MMP24: variants seen among roughly 807,000 people sequenced by gnomAD.
The protein encoded by MMP24 is matrix metallopeptidase 24.
A neutral mutation model predicts 62.8 loss-of-function variants in MMP24; 25 were observed. The ratio of observed to expected loss-of-function variants is 0.40; its 90% confidence interval spans 0.29 to 0.56. MMP24 has a LOEUF of 0.56. MMP24 is among the 20% of genes least tolerant of loss of function. The pLI is 0.50. For missense variants in MMP24, 634 were observed against 853.6 expected, an observed-to-expected ratio of 0.74 and a Z score of 3.21; for synonymous variants, 319 against 350.5, an observed-to-expected ratio of 0.91 and a Z score of 1.00.
At chr20:35,240,536 A>G (rs2060484362) in intron 1 of MMP24, among the ~76,000 whole-genome samples, 1 of 152,130 alleles carries the variant, frequency 6.6e-6, no homozygotes, top group Admixed American at 6.6e-5. Context: ...AAGCAAGGTC[A>G]TTCTGTCTAA....
chr20:35,235,175 G>A (rs1226687123), intron 1 of MMP24, among the ~76,000 whole-genome samples: 1 of 152,180 alleles, frequency 6.6e-6, no homozygotes, highest in African/African-American at 2.4e-5. Flanking sequence ...AGGCCAAGCT[G>A]GGAGGATCAC....
intron 1 of MMP24, among the ~76,000 whole-genome samples, chr20:35,230,848 C>T (rs2060434503): frequency 6.6e-6 from 1 of 152,140 alleles, no homozygotes; most frequent in South Asian, 2.1e-4. Flanking sequence ...AAGCATTTTT[C>T]ATCATCATTG....
At position 35,254,514 on chromosome 20, in the gene MMP24, G is replaced by T; in HGVS notation, c.577G>T (p.Asp193Tyr). 6.2e-7 allele frequency: 1 copy of T among 1,614,004 alleles called. No homozygotes were observed. Among genetic ancestry groups the T allele is most frequent in the Non-Finnish European group, 8.5e-7 (1 of 1,179,894 alleles). The change falls in exon 4 of 9, where the codon GAT (aspartate) becomes TAT (tyrosine). Residue 193 changes from aspartate to tyrosine, a missense_variant. Asp to Tyr is a radical substitution (Grantham distance 160). Around this residue, in one of 3 missense-constraint regions of MMP24, gnomAD observed 212 missense variants for 259.6 expected, o/e 0.82. Coordinates refer to ENST00000246186, the MANE Select transcript of MMP24 (RefSeq NM_006690.4). ...DTRKAIRQAF[D>Y]VWQKVTPLTF... is the part of the protein sequence containing the mutation. ...GCGGAAAGCTATTCGCCAGGCTTTCGATGTGTGGCAGAAGGTGACCCCACT... is the reference window on the plus strand; with the variant it reads ...GCGGAAAGCTATTCGCCAGGCTTTCTATGTGTGGCAGAAGGTGACCCCACT...
At chr20:35,234,950 G>A (rs117333575) in intron 1 of MMP24, among the ~76,000 whole-genome samples, 1 of 152,212 alleles carries the variant, frequency 6.6e-6, no homozygotes, top group African/African-American at 2.4e-5. Flanking sequence ...GCATCACATT[G>A]TAAGGGTTGT....
chr20:35,268,751 G>A (rs2060649119), intron 6 of MMP24, among the ~76,000 whole-genome samples: 1 of 143,750 alleles, frequency 7.0e-6, no homozygotes, highest in Non-Finnish European at 1.5e-5. Context: ...TGGAGGCTGG[G>A]CGCAGTGGCT....
chr20:35,274,267 TGCAGATTAC>T lies in MMP24; in HGVS notation c.1601-4_1605del. The T allele has an allele frequency of 6.2e-7, 1 of 1,601,228 alleles. No individual in the cohort carries two copies. The highest frequency in any genetic ancestry group is 8.5e-7 in the Non-Finnish European group (1 of 1,175,090). On this transcript the variant is annotated splice_acceptor_variant and splice_polypyrimidine_tract_variant and coding_sequence_variant and intron_variant, in exon 9 of 9. Transcript: ENST00000246186. LOFTEE classifies it high-confidence loss of function. This position sits in a 1 kb window ranked among gnomAD's most constrained non-coding sequence, Gnocchi z 5.1. ...GAGTGGTGATGCTGGGCTGTATTTCTGCAGATTACACCTATTTCTACAAGGGCCGGGACT... is the reference window on the plus strand; with the variant it reads ...GAGTGGTGATGCTGGGCTGTATTTCTACCTATTTCTACAAGGGCCGGGACT...
chr20:35,228,260 A>G (rs1325364885), intron 1 of MMP24, among the ~76,000 whole-genome samples: 1 of 152,150 alleles, frequency 6.6e-6, no homozygotes, highest in Admixed American at 6.5e-5. Flanking sequence ...TCAGCCTCTC[A>G]AAGGGTTACA....
At chr20:35,237,332 C>T (rs1331913835) in intron 1 of MMP24, among the ~76,000 whole-genome samples, 2 of 152,216 alleles carry the variant, frequency 1.3e-5, no homozygotes, top group African/African-American at 2.4e-5. Context: ...AGAGAATGCC[C>T]GCATCCCTTG....
intron 6 of MMP24, among the ~76,000 whole-genome samples, chr20:35,268,863 T>TA (rs1462034503): frequency 1.3e-5 from 2 of 151,700 alleles, no homozygotes; most frequent in Non-Finnish European, 2.9e-5. Flanking sequence ...CCATCTCTAC[T>TA]AAAAATATAA....
At chr20:35,229,449 T>C (rs187368855) in intron 1 of MMP24, among the ~76,000 whole-genome samples, 75 of 152,312 alleles carry the variant, frequency 4.9e-4, no homozygotes, top group African/African-American at 1.7e-3. Flanking sequence ...AAAAACATCA[T>C]CCTTAATTTG....
chr20:35,274,461 C>A lies in MMP24; in HGVS notation c.1790C>A (p.Pro597Gln), dbSNP rs1288372631. 6.2e-7 allele frequency: 1 copy of A among 1,613,888 alleles called. No homozygotes were observed. Among genetic ancestry groups the A allele is most frequent in the African/African-American group, 1.3e-5 (1 of 74,912 alleles). Residue 597 changes from proline (P) to glutamine (Q), a missense_variant, in exon 9 of 9, where the codon CCG becomes CAG. Around this residue, in one of 3 missense-constraint regions of MMP24, gnomAD observed 399 missense variants for 530.8 expected, o/e 0.75. Coordinates refer to ENST00000246186, the MANE Select transcript of MMP24 (RefSeq NM_006690.4). The surrounding 1 kb of genome is among the most constrained non-coding windows in gnomAD (Gnocchi z 5.1). The stretch of plus-strand genomic sequence containing the variant: ...ATCATGGTGACCATCAACGATGTGC[C>A]GGGCTCCGTGAACGCCGTGGCCGTG... ...VDIMVTINDV[P>Q]GSVNAVAVVI...
chr20:35,232,554 A>G, intron 1 of MMP24, among the ~76,000 whole-genome samples: 1 of 152,208 alleles, frequency 6.6e-6, no homozygotes, highest in East Asian at 1.9e-4. Context: ...TCGGGAAGCC[A>G]GAGAATGCTT....
chr20:35,260,703 C>CA (rs1425737109), intron 4 of MMP24, among the ~76,000 whole-genome samples: 20 of 152,376 alleles, frequency 1.3e-4, no homozygotes, highest in African/African-American at 4.8e-4. Context: ...AGGCCAGCCC[C>CA]AGGCTTTTGG....
At chr20:35,263,485 T>C (rs781258752) in intron 4 of MMP24, 39 of 216,684 alleles carry the variant, frequency 1.8e-4, no homozygotes, top group Non-Finnish European at 2.9e-4. Context: ...TTTGTGAAGC[T>C]TTCCCTGAAC....
chr20:35,252,349 A>G lies in MMP24; in HGVS notation c.512+328A>G, dbSNP rs566360032. ...TTGGTAACTTTCAGCTGTGAAAAAG[A>G]ATCGTGGCTTGCAGTGAGCTATATC... On this transcript the variant is annotated intron_variant, in intron 3 of 8. Transcript: ENST00000246186. Among the ~76,000 whole-genome samples the G allele has an allele frequency of 3.3e-5, 5 of 152,204 alleles. No homozygotes were observed. The East Asian group carries it at 7.7e-4, about 23-fold the overall frequency.
At chr20:35,253,407 CTT>C (rs1390069950) in intron 3 of MMP24, among the ~76,000 whole-genome samples, 2 of 148,398 alleles carry the variant, frequency 1.3e-5, no homozygotes, top group African/African-American at 2.5e-5. Flanking sequence ...GAGAAGGAAA[CTT>C]AAGAATCTAG....
At chr20:35,245,287 A>G (rs1431803910) in intron 1 of MMP24, among the ~76,000 whole-genome samples, 1 of 152,120 alleles carries the variant, frequency 6.6e-6, no homozygotes, top group Non-Finnish European at 1.5e-5. Flanking sequence ...TCAGCCTCTT[A>G]AAGCACTGGG....
At chr20:35,244,143 C>T (rs950131284) in intron 1 of MMP24, among the ~76,000 whole-genome samples, 2 of 152,332 alleles carry the variant, frequency 1.3e-5, no homozygotes, top group East Asian at 3.9e-4. Context: ...ATAAAAGACA[C>T]ATCCATAATT....
intron 4 of MMP24, among the ~76,000 whole-genome samples, chr20:35,257,280 C>G (rs2060579648): frequency 6.6e-6 from 1 of 152,166 alleles, no homozygotes; most frequent in Non-Finnish European, 1.5e-5. Flanking sequence ...AGATTTTTGT[C>G]CTCTTTCCTA....
Sources: allele counts gnomAD v4.1 joint callset (sites outside exome capture counted in the v4.1 genomes callset), GRCh38; gene constraint gnomAD v4.1.1; regional missense constraint gnomAD v4.1.1; non-coding constraint Gnocchi (gnomAD v3.1); transcripts MANE v1.5; gene names NCBI Gene and HGNC (gene_info 2026-07-23, HGNC 2026-07-21).